IFIH1: variants seen among roughly 807,000 people sequenced by gnomAD.
The protein encoded by IFIH1 is interferon-induced helicase C domain-containing protein 1.
Under a neutral mutation model 107.4 loss-of-function variants are expected in IFIH1, and 125 were observed. The observed-to-expected ratio is 1.16, with a 90% CI of 1.01 to 1.35. The LOEUF (loss-of-function observed/expected upper bound fraction) is 1.35, where lower values mean the gene tolerates loss of function less well. Ranked by LOEUF, IFIH1 falls within the 40% of genes most tolerant of loss-of-function variation. IFIH1 has a pLI of 0.00. For missense variants in IFIH1, 1,333 were observed against 1,213.7 expected (o/e 1.10, Z -1.46); for synonymous variants, 458 against 413.2 (o/e 1.11, Z -1.31).
intron 2 of IFIH1, among the ~76,000 whole-genome samples, chr2:162,309,717 G>T (rs1465687658): frequency 6.6e-6 from 1 of 152,140 alleles, no homozygotes; most frequent in Non-Finnish European, 1.5e-5. Context: ...ATATGGATAG[G>T]CTGAGAATTT....
In IFIH1 at chr2:162,268,077, C is replaced by A; in HGVS notation, c.2807+10G>T. 6.3e-7 allele frequency: 1 copy of A among 1,576,878 alleles called. No homozygotes were observed. ...TGGAAAAATGTAAAAATGGGTCTTT[C>A]TGGACTCACTTGAATTCTGGGGTCA... On this transcript the variant is annotated intron_variant, in intron 14 of 15. Transcript: ENST00000649979.
In IFIH1 at chr2:162,267,079, T is replaced by A; in HGVS notation, c.*121A>T. On this transcript the variant is annotated 3_prime_UTR_variant, in exon 16 of 16. Transcript: ENST00000649979. ...TATTGTGTTCTTAAAAAGAGTTCAA[T>A]GCAGAGTAAAACAATCATTTTATTG... 3.8e-6 allele frequency: 3 copies of A among 783,458 alleles called. No homozygotes were observed. Among genetic ancestry groups the A allele is most frequent in the Non-Finnish European group, 6.0e-6 (3 of 496,014 alleles). The allele number at this position is 783,458 out of a possible 1,614,324, so 48.5% of individuals were successfully genotyped here.
intron 3 of IFIH1, among the ~76,000 whole-genome samples, chr2:162,304,722 G>A (rs1352627122): frequency 2.0e-5 from 3 of 152,184 alleles, no homozygotes; most frequent in Non-Finnish European, 4.4e-5. Context: ...ATATGAAAAT[G>A]TAAATTCAAA....
chr2:162,298,271 T>C (rs78170429), intron 3 of IFIH1, among the ~76,000 whole-genome samples: 37 of 152,196 alleles, frequency 2.4e-4, no homozygotes, highest in Non-Finnish European at 3.7e-4. Context: ...TAGAGGCATT[T>C]ATCACCCCAC....
At position 162,277,525 on chromosome 2, in the gene IFIH1, C is replaced by G. The variant is rs779637110; in HGVS notation, c.1934G>C (p.Ser645Thr). The G allele has an allele frequency of 3.6e-5, 57 of 1,585,956 alleles. No individual in the cohort carries two copies. The highest frequency in any genetic ancestry group is 4.8e-5 in the Non-Finnish European group (55 of 1,154,854). ...ATACTCATCATCACCACCCTCATCA[C>G]TATCATCTTCTATGACTGCAAACTT... ...DKKFAVIEDD[S>T]DEGGDDEYCD... The change falls in exon 10 of 16, where the codon AGT (serine) becomes ACT (threonine). Residue 645 changes from serine to threonine, a missense_variant. Ser to Thr is a moderately conservative substitution (Grantham distance 58). Transcript: ENST00000649979.
intron 8 of IFIH1, 24 bp downstream of exon 8, chr2:162,279,972 A>G (rs750790357): frequency 1.7e-6 from 2 of 1,145,746 alleles, no homozygotes; most frequent in Non-Finnish European, 2.7e-6. Context: ...GTCAATCAAT[A>G]GATATAAAAC....
At chr2:162,279,923 TA>T in intron 8 of IFIH1, 72 bp downstream of exon 8, 1 of 871,830 alleles carries the variant, frequency 1.1e-6, no homozygotes, top group Non-Finnish European at 1.9e-6. Context: ...ATGGTCAGTA[TA>T]AAATAGCCTT....
intron 2 of IFIH1, 93 bp downstream of exon 2, chr2:162,310,672 A>C (rs1253597303): frequency 9.9e-7 from 1 of 1,005,380 alleles, no homozygotes; most frequent in Non-Finnish European, 1.5e-6. Context: ...GATTCTAAAA[A>C]TCTTGGTGTT....
At chr2:162,298,063 A>G (rs1683125593) in intron 3 of IFIH1, among the ~76,000 whole-genome samples, 1 of 152,162 alleles carries the variant, frequency 6.6e-6, no homozygotes, top group Admixed American at 6.5e-5. Flanking sequence ...ACCAAAAAAA[A>G]TAAATAAATA....
At chr2:162,288,956 C>CACACACACAG (rs779518601) in intron 4 of IFIH1, among the ~76,000 whole-genome samples, 4 of 149,982 alleles carry the variant, frequency 2.7e-5, no homozygotes, top group African/African-American at 4.9e-5. Context: ...CACACACACA[C>CACACACACAG]AGACACCCTA....
intron 1 of IFIH1, among the ~76,000 whole-genome samples, chr2:162,311,610 T>C (rs1683385865): frequency 1.3e-5 from 2 of 152,152 alleles, no homozygotes; most frequent in African/African-American, 4.8e-5. Context: ...CCTTCTTTTA[T>C]TTTCTCTTTT....
At position 162,272,235 on chromosome 2, in the gene IFIH1, A is replaced by G; in HGVS notation, c.2607T>C (p.Tyr869=). 1.2e-6 allele frequency: 2 copies of G among 1,611,364 alleles called. No individual in the cohort carries two copies. The highest frequency in any genetic ancestry group is 1.7e-5 in the Admixed American group (1 of 59,672). Residue 869 remains tyrosine (Y), a synonymous_variant, in exon 13 of 16, where the codon TAT becomes TAC. Transcript: ENST00000649979. The part of the protein sequence containing the change: ...HCVQNMKPEE[Y]AHKILELQMQ... ...AGGTGACCAACAATACCTTATGAGC[A>G]TACTCCTCTGGTTTCATATTTTGAA...
At chr2:162,308,534 A>G (rs567572813) in intron 2 of IFIH1, among the ~76,000 whole-genome samples, 3 of 151,648 alleles carry the variant, frequency 2.0e-5, no homozygotes, top group Non-Finnish European at 4.4e-5. Flanking sequence ...GCATGCCACC[A>G]CCCCAGCTAA....
chr2:162,314,484 C>CTT (rs557941465), intron 1 of IFIH1, among the ~76,000 whole-genome samples: 2 of 96,962 alleles, frequency 2.1e-5, no homozygotes, highest in African/African-American at 1.4e-4. Context: ...TTCTTTCTTT[C>CTT]TTTTTCTTTC....
In IFIH1 at chr2:162,277,530, ATCT is replaced by A. The variant is rs1182730300; in HGVS notation, c.1926_1928del (p.Glu642del). ...CATCATCACCACCCTCATCACTATC[ATCT>A]TCTATGACTGCAAACTTCTTATCTT... On this transcript the variant is annotated inframe_deletion, in exon 10 of 16. Transcript: ENST00000649979. 1 of 1,590,314 alleles carries A rather than the reference ATCT, an allele frequency of 6.3e-7. No individual in the cohort carries two copies. Among genetic ancestry groups the A allele is most frequent in the African/African-American group, 1.3e-5 (1 of 74,426 alleles).
intron 5 of IFIH1, among the ~76,000 whole-genome samples, chr2:162,283,010 A>G (rs1209060518): frequency 1.3e-5 from 2 of 151,708 alleles, no homozygotes; most frequent in African/African-American, 2.4e-5. Flanking sequence ...GAAAAGATAA[A>G]CTGAAGCTAA....
At chr2:162,315,993 A>G (rs1310799961) in intron 1 of IFIH1, among the ~76,000 whole-genome samples, 1 of 152,160 alleles carries the variant, frequency 6.6e-6, no homozygotes, top group East Asian at 1.9e-4. Flanking sequence ...TTTGGCCTTA[A>G]CTGCTACCAG....
chr2:162,267,388 C>A lies in IFIH1; in HGVS notation c.2899-9G>T, dbSNP rs774842904. Reference sequence around the variant, plus strand: ...ATCATTGTTCCCCAAGCCTGGAAAACAAAAGAGAGAGCAAGAGGAAAATTA... The same window carrying A: ...ATCATTGTTCCCCAAGCCTGGAAAAAAAAAGAGAGAGCAAGAGGAAAATTA... On this transcript the variant is annotated splice_polypyrimidine_tract_variant and intron_variant, in intron 15 of 15. Transcript: ENST00000649979. The A allele has an allele frequency of 1.2e-6, 2 of 1,613,796 alleles. No homozygotes were observed. The highest frequency in any genetic ancestry group is 1.7e-6 in the Non-Finnish European group (2 of 1,179,914).
chr2:162,304,351 A>G (rs546677089), intron 3 of IFIH1, among the ~76,000 whole-genome samples: 1 of 152,280 alleles, frequency 6.6e-6, no homozygotes, highest in East Asian at 1.9e-4. Flanking sequence ...GATGCCAGCT[A>G]CTTGGGAGAC....
Sources: allele counts gnomAD v4.1 joint callset (sites outside exome capture counted in the v4.1 genomes callset), GRCh38; gene constraint gnomAD v4.1.1; transcripts MANE v1.5; gene names NCBI Gene and HGNC (gene_info 2026-07-23, HGNC 2026-07-21).